The following DDX50 variants were observed in gnomAD, a reference collection of about 807,000 sequenced individuals.
DDX50 encodes the protein DExD-box helicase 50, also known as ATP-dependent RNA helicase DDX50.
In DDX50, 56 loss-of-function variants were observed where a neutral mutation model predicts 94.8. The ratio of observed to expected loss-of-function variants is 0.59; its 90% CI spans 0.48 to 0.74. DDX50 has a LOEUF of 0.74. Among genes scored for constraint, DDX50 ranks in the 30% least tolerant of loss-of-function variants. DDX50 has a pLI of 0.00. For synonymous variants in DDX50, 264 were observed against 295.4 expected (o/e 0.89, Z 1.09); for missense variants, 713 against 881.2 (o/e 0.81, Z 2.42).
rs779162018 is a variant in DDX50, at chr10:68,946,474, A to G, written c.2058A>G (p.Arg686=). ...SRQRSGWSSG[R]SGRSGRSGGR... is the part of the protein sequence containing the mutation. ...AGAGGAGTGGCTGGTCAAGTGGTCG[A>G]TCAGGCCGGTCAGGCCGGTCAGGTG... Residue 686 remains arginine, a synonymous_variant, in exon 15 of 15, where the codon CGA becomes CGG. Transcript: ENST00000373585. 3.7e-6 allele frequency: 6 copies of G among 1,614,044 alleles called. No individual in the cohort carries two copies. The highest frequency in any genetic ancestry group is 5.1e-6 in the Non-Finnish European group (6 of 1,179,994).
At position 68,946,557 on chromosome 10, in the gene DDX50, G is replaced by A. The variant is rs201925377; in HGVS notation, c.2141G>A (p.Arg714Gln). ...CGACAAGGAAGTCGCTCAGGAAGTCGACAAGATGGTAGAAGACGAAGTGGG... is the reference window on the plus strand; with the variant it reads ...CGACAAGGAAGTCGCTCAGGAAGTCAACAAGATGGTAGAAGACGAAGTGGG... The part of the protein sequence containing the change: ...QSRQGSRSGS[R>Q]QDGRRRSGNR... Residue 714 changes from arginine (R) to glutamine (Q), a missense_variant, in exon 15 of 15, where the codon CGA becomes CAA. By Grantham distance (43) the Arg-to-Gln change is conservative (BLOSUM62 1). Around this residue, in one of 2 missense-constraint regions of DDX50, gnomAD observed 428 missense variants for 602.3 expected, o/e 0.71. Coordinates refer to ENST00000373585, the MANE Select transcript of DDX50 (RefSeq NM_024045.2). 6.2e-6 allele frequency: 10 copies of A among 1,614,216 alleles called. No individual in the cohort carries two copies. Among genetic ancestry groups the A allele is most frequent in the Non-Finnish European group, 8.5e-6 (10 of 1,180,048 alleles).
intron 1 of DDX50, among the ~76,000 whole-genome samples, chr10:68,902,778 C>T (rs1186394274): frequency 6.6e-6 from 1 of 152,224 alleles, no homozygotes; most frequent in African/African-American, 2.4e-5. Flanking sequence ...TCCTGTCCAG[C>T]GGTCAAGGCC....
intron 8 of DDX50, among the ~76,000 whole-genome samples, chr10:68,923,937 C>CTTTTTT: frequency 2.4e-5 from 1 of 42,410 alleles, no homozygotes; most frequent in Non-Finnish European, 3.9e-5. Flanking sequence ...AGATAGTCTG[C>CTTTTTT]TTTTTTTTTT....
chr10:68,926,663 A>G lies in DDX50; in HGVS notation c.1239+6682A>G, dbSNP rs540604554. 1.8e-3 allele frequency among the ~76,000 whole-genome samples: 277 copies of G among 152,078 alleles called. 1 individual carries two copies. Among genetic ancestry groups the G allele is most frequent in the African/African-American group, 6.4e-3 (267 of 41,498 alleles). ...GGTGCACCTGTAATCCCAGCTACTC[A>G]GGAGGTTGGGGCGGGAGAATCGATT... On this transcript the variant is annotated intron_variant, in intron 8 of 14. Transcript: ENST00000373585.
chr10:68,924,987 G>C (rs1230317020), intron 8 of DDX50, among the ~76,000 whole-genome samples: 1 of 151,520 alleles, frequency 6.6e-6, no homozygotes, highest in Non-Finnish European at 1.5e-5. Flanking sequence ...TAGCTTTTCA[G>C]TATGCTTTCA....
At chr10:68,922,901 C>A (rs1391742203) in intron 8 of DDX50, among the ~76,000 whole-genome samples, 1 of 149,454 alleles carries the variant, frequency 6.7e-6, no homozygotes, top group Admixed American at 6.7e-5. Flanking sequence ...AAGCGACTCT[C>A]CTGCCTCAGC....
intron 1 of DDX50, among the ~76,000 whole-genome samples, chr10:68,904,941 G>C (rs1227759528): frequency 6.6e-6 from 1 of 152,202 alleles, no homozygotes; most frequent in African/African-American, 2.4e-5. Flanking sequence ...AACTCTAAAA[G>C]TTGTGTAAGT....
At chr10:68,902,190 CAAAAAA>C (rs35302047) in intron 1 of DDX50, among the ~76,000 whole-genome samples, 29 of 94,296 alleles carry the variant, frequency 3.1e-4, no homozygotes, top group East Asian at 2.2e-3. Context: ...CCCTGCCCTC[CAAAAAA>C]AAAAAAAAAA....
chr10:68,936,733 T>A (rs985817051), intron 11 of DDX50, among the ~76,000 whole-genome samples: 5 of 150,824 alleles, frequency 3.3e-5, no homozygotes, highest in African/African-American at 1.2e-4. Flanking sequence ...CCCAGCTACT[T>A]GGAAGGCTGA....
At position 68,906,853 on chromosome 10, in the gene DDX50, G is replaced by T. The variant is rs751324762; in HGVS notation, c.230G>T (p.Gly77Val). The T allele has an allele frequency of 3.1e-6, 5 of 1,612,972 alleles. No individual in the cohort carries two copies. In the Admixed American group the frequency reaches 5.0e-5, roughly 16 times the overall value. Residue 77 changes from glycine to valine, a missense_variant, in exon 2 of 15, where the codon GGA (glycine) becomes GTA (valine). Transcript: ENST00000373585. ...KEKLNGDTEE[G>V]FNRLSDEFSK... ...AAGCTAAATGGAGACACTGAAGAAG[G>T]ATTTAATAGACTTTCAGATGAATTC...
At chr10:68,941,576 G>C (rs931021795) in intron 13 of DDX50, among the ~76,000 whole-genome samples, 3 of 152,042 alleles carry the variant, frequency 2.0e-5, no homozygotes, top group Non-Finnish European at 4.4e-5. Context: ...TCCTACCTTG[G>C]ACTCCCAAAG....
At chr10:68,920,791 T>C (rs974438036) in intron 8 of DDX50, among the ~76,000 whole-genome samples, 1 of 151,060 alleles carries the variant, frequency 6.6e-6, no homozygotes, top group African/African-American at 2.4e-5. Flanking sequence ...ACTAAAAATA[T>C]AAAAATTAGC....
intron 8 of DDX50, among the ~76,000 whole-genome samples, chr10:68,920,425 C>T (rs1444457459): frequency 6.6e-6 from 1 of 151,960 alleles, no homozygotes; most frequent in African/African-American, 2.4e-5. Flanking sequence ...CTTGGCCTGC[C>T]GAAATGCTGG....
Position 68,901,328 on chromosome 10 carries a change from C to A in DDX50, c.-57C>A. 3 of 1,459,992 alleles carry A rather than the reference C, an allele frequency of 2.1e-6. No individual in the cohort carries two copies. The highest frequency in any genetic ancestry group is 2.7e-5 in the East Asian group (1 of 36,542). The allele number at this position is 1,459,992 out of a possible 1,614,324, so 90.4% of individuals were successfully genotyped here. A position where few individuals can be genotyped will look rare whatever the true frequency, so the allele number is the denominator to read the frequency against. ...TTGCCCCCGCTTCCTTTCACGCTGT[C>A]GCTGCCCGTAGGTGGTTGTGGCCAC... On this transcript the variant is annotated 5_prime_UTR_variant, in exon 1 of 15. Coordinates refer to ENST00000373585, the MANE Select transcript of DDX50 (RefSeq NM_024045.2).
At chr10:68,925,429 T>A (rs1485352136) in intron 8 of DDX50, among the ~76,000 whole-genome samples, 1 of 152,074 alleles carries the variant, frequency 6.6e-6, no homozygotes, top group Non-Finnish European at 1.5e-5. Context: ...GTTTTAGAAA[T>A]CATGAGACCA....
rs182691577 is a variant in DDX50 at position 68,937,196 on chromosome 10, T to C, written c.1755+101T>C. 5.2e-5 allele frequency: 67 copies of C among 1,283,096 alleles called. No individual in the cohort carries two copies. The African/African-American group carries it at 8.7e-4, about 17-fold the overall frequency. The allele number at this position is 1,283,096 out of a possible 1,614,324, so 79.5% of individuals were successfully genotyped here. On this transcript the variant is annotated intron_variant, in intron 12 of 14. Transcript: ENST00000373585. Reference sequence around the variant, plus strand: ...TTGTGCTTTTTGTGCAGAAAAAAACTGTTTTGCTCTATGAGAAACTGGTCT... The same window carrying C: ...TTGTGCTTTTTGTGCAGAAAAAAACCGTTTTGCTCTATGAGAAACTGGTCT...
chr10:68,943,305 A>G (rs370302444), intron 14 of DDX50, 48 bp downstream of exon 14: 95 of 1,476,888 alleles, frequency 6.4e-5, no homozygotes, highest in Non-Finnish European at 8.5e-5. Context: ...ATTCTCTAAC[A>G]TTTAGATTGG....
In DDX50 at chr10:68,934,641, T is replaced by C. The variant is rs1230015662; in HGVS notation, c.1402-158T>C. Among the ~76,000 whole-genome samples, 3 of 152,160 alleles carry C rather than the reference T, an allele frequency of 2.0e-5. No individual in the cohort carries two copies. The highest frequency in any genetic ancestry group is 7.2e-5 in the African/African-American group (3 of 41,434). ...GTGGATTAAAAGGTTTTAAATCATATTGCCTTTACCCCAAAATCCACACAT... is the reference window on the plus strand; with the variant it reads ...GTGGATTAAAAGGTTTTAAATCATACTGCCTTTACCCCAAAATCCACACAT... On this transcript the variant is annotated intron_variant, in intron 9 of 14. Coordinates refer to ENST00000373585, the MANE Select transcript of DDX50 (RefSeq NM_024045.2). The surrounding 1 kb of genome is among the most constrained non-coding windows in gnomAD (Gnocchi z 4.0).
At chr10:68,945,950 A>G (rs546037118) in intron 14 of DDX50, among the ~76,000 whole-genome samples, 1 of 148,200 alleles carries the variant, frequency 6.7e-6, no homozygotes, top group Non-Finnish European at 1.5e-5. Flanking sequence ...TTTAATTAGT[A>G]TATTTATTTA....
Sources: allele counts gnomAD v4.1 joint callset (sites outside exome capture counted in the v4.1 genomes callset), GRCh38; gene constraint gnomAD v4.1.1; regional missense constraint gnomAD v4.1.1; non-coding constraint Gnocchi (gnomAD v3.1); transcripts MANE v1.5; gene names NCBI Gene and HGNC (gene_info 2026-07-23, HGNC 2026-07-21).